Variants in EHMT1 observed in about 807,000 individuals in gnomAD.
The protein encoded by EHMT1 is histone-lysine N-methyltransferase EHMT1.
EHMT1 carries 15 observed loss-of-function variants against 147.2 expected under a neutral mutation model. That is an observed-to-expected ratio of 0.10 (90% CI 0.07 to 0.16). The LOEUF (loss-of-function observed/expected upper bound fraction) is 0.16. Among genes scored for constraint, EHMT1 ranks in the 10% least tolerant of loss-of-function variants. EHMT1 has a pLI of 1.00. For missense variants in EHMT1, 1,587 were observed against 1,772.4 expected (o/e 0.90, Z 1.88); for synonymous variants, 795 against 709.6 (o/e 1.12, Z -1.91).
chr9:137,716,557 A>AGTG lies in EHMT1; in HGVS notation c.86-53_86-51dup, dbSNP rs1248632313. 1.8e-5 allele frequency: 26 copies of AGTG among 1,419,954 alleles called. No homozygotes were observed. In the Admixed American group the frequency reaches 5.2e-4, roughly 29 times the overall value. The allele number at this position is 1,419,954 out of a possible 1,614,324, so 88.0% of individuals were successfully genotyped here. ...GTGGTGGTGTCATGGTGGGGGAGGAAGTGGTGGTGGTGGTGGTGCCATGGA... is the reference window on the plus strand; with the variant it reads ...GTGGTGGTGTCATGGTGGGGGAGGAAGTGGTGGTGGTGGTGGTGGTGCCATGGA... On this transcript the variant is annotated intron_variant, in intron 2 of 26. Coordinates refer to ENST00000460843, the MANE Select transcript of EHMT1 (RefSeq NM_024757.5).
rs1350338415 is a variant in EHMT1 at position 137,786,466 on chromosome 9, A to G, written c.2382+4069A>G. On this transcript the variant is annotated intron_variant, in intron 15 of 26. Transcript: ENST00000460843. The surrounding 1 kb of genome is among the most constrained non-coding windows in gnomAD (Gnocchi z 4.3). Reference sequence around the variant, plus strand: ...CATCTGCAGGGGTGTCTCACATCTCACACACACTCTTTGGGCAGGCTCTGG... The same window carrying G: ...CATCTGCAGGGGTGTCTCACATCTCGCACACACTCTTTGGGCAGGCTCTGG... The G allele has an allele frequency of 6.6e-6, 1 of 152,434 alleles. No homozygotes were observed. Among genetic ancestry groups the G allele is most frequent in the Non-Finnish European group, 1.5e-5 (1 of 68,278 alleles). 9.4% of individuals were successfully genotyped at this position (152,434 alleles called of 1,614,324 possible).
intron 1 of EHMT1, among the ~76,000 whole-genome samples, chr9:137,709,094 G>A (rs1345824701): frequency 6.6e-6 from 1 of 152,184 alleles, no homozygotes; most frequent in Non-Finnish European, 1.5e-5. Flanking sequence ...GATGCAAAGG[G>A]GCTGACACCA....
chr9:137,627,560 C>G (rs148488569), intron 1 of EHMT1, among the ~76,000 whole-genome samples: 1 of 142,308 alleles, frequency 7.0e-6, no homozygotes, highest in Admixed American at 6.7e-5. Flanking sequence ...CCGCTGCGCC[C>G]GTGATTTGCC....
At chr9:137,790,822 A>G in intron 15 of EHMT1, 26 bp from the exon 16 acceptor site, 5 of 1,614,098 alleles carry the variant, frequency 3.1e-6, no homozygotes, top group South Asian at 2.2e-5. Flanking sequence ...CAGCCCTCCC[A>G]TACACCTGAA....
At chr9:137,644,502 A>AT (rs1844742261) in intron 1 of EHMT1, among the ~76,000 whole-genome samples, 1 of 151,988 alleles carries the variant, frequency 6.6e-6, no homozygotes, top group Non-Finnish European at 1.5e-5. Flanking sequence ...TAATTTTTGT[A>AT]TTTTTAATAG....
intron 1 of EHMT1, chr9:137,641,599 C>T (rs990121072): frequency 3.3e-5 from 9 of 274,270 alleles, no homozygotes; most frequent in Admixed American, 5.0e-5. Flanking sequence ...GTCCGCTTGC[C>T]GCTCACTTGC....
chr9:137,750,337 G>T (rs911753741), intron 6 of EHMT1, among the ~76,000 whole-genome samples: 1 of 152,204 alleles, frequency 6.6e-6, no homozygotes, highest in Non-Finnish European at 1.5e-5. Flanking sequence ...TTCTCCACAC[G>T]TGGGTTGTCT....
intron 3 of EHMT1, among the ~76,000 whole-genome samples, chr9:137,724,309 G>A (rs1390743289): frequency 3.3e-5 from 5 of 150,446 alleles, no homozygotes; most frequent in African/African-American, 1.2e-4. Context: ...GAGCCTCAGC[G>A]AAGGGGCCTC....
intron 15 of EHMT1, chr9:137,789,180 G>T: frequency 6.6e-6 from 1 of 152,568 alleles, no homozygotes; most frequent in Non-Finnish European, 1.5e-5. Flanking sequence ...GCCGAGAGCT[G>T]CCCGAGCCCT....
chr9:137,674,989 C>T (rs1941097611), intron 1 of EHMT1: 3 of 152,082 alleles, frequency 2.0e-5, no homozygotes, highest in Admixed American at 2.0e-4. Context: ...GTGTGGGCCG[C>T]GTAAGGTCTC....
intron 14 of EHMT1, among the ~76,000 whole-genome samples, chr9:137,781,959 G>T (rs2136883688): frequency 6.6e-6 from 1 of 152,294 alleles, no homozygotes; most frequent in Non-Finnish European, 1.5e-5. Flanking sequence ...TGTCTGCCCT[G>T]GTCAGCCGCC....
At chr9:137,722,706 G>A (rs1946185965) in intron 3 of EHMT1, among the ~76,000 whole-genome samples, 1 of 151,868 alleles carries the variant, frequency 6.6e-6, no homozygotes, top group Non-Finnish European at 1.5e-5. Context: ...TATGCTCTGT[G>A]TGGGCCCCAC....
At chr9:137,654,560 T>G (rs748185111) in intron 1 of EHMT1, among the ~76,000 whole-genome samples, 2 of 152,156 alleles carry the variant, frequency 1.3e-5, no homozygotes, top group Non-Finnish European at 2.9e-5. Context: ...CCTCCAAGTT[T>G]GTTCTTCTTT....
At chr9:137,707,311 G>A (rs891061441) in intron 1 of EHMT1, among the ~76,000 whole-genome samples, 13 of 152,224 alleles carry the variant, frequency 8.5e-5, no homozygotes, top group Non-Finnish European at 2.9e-5. Flanking sequence ...CCCTTGCTGG[G>A]AGAAAACCTT....
In EHMT1 at chr9:137,664,075, T is replaced by C. The variant is rs1315299226; in HGVS notation, c.21+45026T>C. Among the ~76,000 whole-genome samples the C allele has an allele frequency of 2.6e-5, 4 of 152,090 alleles. No individual in the cohort carries two copies. In the East Asian group the frequency reaches 7.7e-4, roughly 29 times the overall value. ...ATTGCTCAACCAAGAGGTATGTACTTTTTTTGTTTCAAGAGATGGAGTTCT... is the reference window on the plus strand; with the variant it reads ...ATTGCTCAACCAAGAGGTATGTACTCTTTTTGTTTCAAGAGATGGAGTTCT... On this transcript the variant is annotated intron_variant, in intron 1 of 26. Coordinates refer to ENST00000460843, the MANE Select transcript of EHMT1 (RefSeq NM_024757.5).
chr9:137,754,314 C>T, intron 8 of EHMT1, 23 bp downstream of exon 8: 2 of 1,613,404 alleles, frequency 1.2e-6, no homozygotes, highest in Non-Finnish European at 1.7e-6. Flanking sequence ...GGGGTGTGGG[C>T]CATCACGGGG....
chr9:137,781,505 C>T (rs925487369), intron 14 of EHMT1, among the ~76,000 whole-genome samples: 3 of 152,156 alleles, frequency 2.0e-5, no homozygotes, highest in Non-Finnish European at 4.4e-5. Flanking sequence ...TGACGGCAGT[C>T]GATGTTTCAC....
chr9:137,817,041 C>A (rs969729085), intron 23 of EHMT1: 1 of 286,162 alleles, frequency 3.5e-6, no homozygotes, highest in African/African-American at 2.2e-5. Context: ...CCCTGAGGGG[C>A]CTGTGGGCTC....
chr9:137,700,505 GA>G (rs1943744437), intron 1 of EHMT1, among the ~76,000 whole-genome samples: 1 of 152,214 alleles, frequency 6.6e-6, no homozygotes, highest in South Asian at 2.1e-4. Flanking sequence ...TTGTTTTCTA[GA>G]AGGATGGTGG....
Sources: gnomAD v4.1 joint callset for allele counts (sites outside exome capture counted in the v4.1 genomes callset) on GRCh38, gnomAD v4.1.1 for gene constraint, Gnocchi (gnomAD v3.1) non-coding constraint, MANE v1.5 for transcripts, NCBI Gene and HGNC (gene_info 2026-07-23, HGNC 2026-07-21) for gene names.